CD1B: variants seen among roughly 807,000 people sequenced by gnomAD.
The protein encoded by CD1B is T-cell surface glycoprotein CD1b.
Under a neutral mutation model 39.8 loss-of-function variants are expected in CD1B, and 43 were observed. The ratio of observed to expected loss-of-function variants is 1.08; its 90% CI spans 0.85 to 1.39. The LOEUF is 1.39. CD1B is among the 40% of genes most tolerant of loss of function. The pLI is 0.00. For synonymous variants in CD1B, 192 were observed against 152.5 expected, an observed-to-expected ratio of 1.26 and a Z score of -1.91; for missense variants, 495 against 403.8, an observed-to-expected ratio of 1.23 and a Z score of -1.94.
the CD1B span, among the ~76,000 whole-genome samples, chr1:158,312,776 A>C: frequency 2.6e-4 from 39 of 152,162 alleles, no homozygotes; most frequent in Non-Finnish European, 5.1e-4. Flanking sequence ...TCTGTATATA[A>C]AGTTGTGATC....
At chr1:158,330,408 AGT>A in intron 2 of CD1B, 1 of 566,974 alleles carries the variant, frequency 1.8e-6, no homozygotes, top group South Asian at 2.0e-5. Flanking sequence ...AGCATTCCAG[AGT>A]GAGTGGAGGT....
chr1:158,325,663 A>G (rs80129719), downstream of CD1B, among the ~76,000 whole-genome samples: 1,237 of 146,960 alleles, frequency 8.4e-3, 12 homozygotes, highest in African/African-American at 0.029. Flanking sequence ...ACACACACAC[A>G]CGCACACACA....
chr1:158,331,348 C>G lies in CD1B; in HGVS notation c.61+15G>C. ...CCCCTGCACCAGTGCTGGGAGCTGC[C>G]AGAGTGACTCTTACCATGTTCACTG... On this transcript the variant is annotated intron_variant, in intron 1 of 5. Coordinates refer to ENST00000368168, the MANE Select transcript of CD1B (RefSeq NM_001764.3). The G allele has an allele frequency of 3.7e-6, 6 of 1,611,230 alleles. No homozygotes were observed. The highest frequency in any genetic ancestry group is 5.1e-6 in the Non-Finnish European group (6 of 1,177,448).
At position 158,329,445 on chromosome 1, in the gene CD1B, C is replaced by T; in HGVS notation, c.811G>A (p.Asp271Asn). 1 of 1,614,216 alleles carries T rather than the reference C, an allele frequency of 6.2e-7. No homozygotes were observed. The highest frequency in any genetic ancestry group is 8.5e-7 in the Non-Finnish European group (1 of 1,180,040). The change falls in exon 4 of 6, where the codon GAT becomes AAT. Residue 271 changes from aspartate to asparagine, a missense_variant. Coordinates refer to ENST00000368168, the MANE Select transcript of CD1B (RefSeq NM_001764.3). ...CAGGACAGGCCAGCCGCCTCCCCAT[C>T]TGCCACATCCAGGGTTGCTCGGAGA... Reference protein sequence around the residue: ...WYLRATLDVADGEAAGLSCRV... With the variant: ...WYLRATLDVANGEAAGLSCRV...
the CD1B span, among the ~76,000 whole-genome samples, chr1:158,299,461 T>C: frequency 1.3e-5 from 2 of 152,218 alleles, no homozygotes; most frequent in African/African-American, 4.8e-5. Flanking sequence ...TCGGGGACAT[T>C]GGTCTAAAAC....
chr1:158,312,550 A>G, the CD1B span, among the ~76,000 whole-genome samples: 11 of 151,906 alleles, frequency 7.2e-5, no homozygotes, highest in Non-Finnish European at 1.6e-4. Flanking sequence ...TGTTTTATAG[A>G]TTTTTTTGTA....
Position 158,329,085 on chromosome 1 carries a change from C to T in CD1B, c.887-71G>A, listed in dbSNP as rs181187010. 2,304 of 1,276,092 alleles carry T rather than the reference C, an allele frequency of 1.8e-3. 13 individuals carry two copies. The highest frequency in any genetic ancestry group is 4.5e-3 in the South Asian group (344 of 76,220). The allele number at this position is 1,276,092 out of a possible 1,614,324, so 79.0% of individuals were successfully genotyped here. ...CACAGAATTCCTTGGCCTTCCTTTG[C>T]CCACCTACTTCCAATGTATGGTCAT... On this transcript the variant is annotated intron_variant, in intron 4 of 5. Coordinates refer to ENST00000368168, the MANE Select transcript of CD1B (RefSeq NM_001764.3).
chr1:158,312,180 G>A, the CD1B span, among the ~76,000 whole-genome samples: 1 of 152,096 alleles, frequency 6.6e-6, no homozygotes, highest in Non-Finnish European at 1.5e-5. Flanking sequence ...TCATCTTGTA[G>A]CCACCATAAT....
the CD1B span, among the ~76,000 whole-genome samples, chr1:158,299,719 G>C: frequency 7.9e-4 from 120 of 152,312 alleles, no homozygotes; most frequent in Non-Finnish European, 1.4e-3. Context: ...TCTTGGGAGG[G>C]TGTGTGTGTC....
chr1:158,329,847 C>G lies in CD1B; in HGVS notation c.607+5G>C. ...GGTGGGAAGTGAAATAACAGCAGGA[C>G]TAACCTTGTCTTTGCAGATCTGCTT... On this transcript the variant is annotated splice_donor_5th_base_variant and intron_variant, in intron 3 of 5. Transcript: ENST00000368168. 10 of 1,610,948 alleles carry G rather than the reference C, an allele frequency of 6.2e-6. No individual in the cohort carries two copies. Among genetic ancestry groups the G allele is most frequent in the Non-Finnish European group, 8.5e-6 (10 of 1,178,288 alleles).
the CD1B span, among the ~76,000 whole-genome samples, chr1:158,296,958 A>G: frequency 6.6e-6 from 1 of 152,190 alleles, no homozygotes; most frequent in Non-Finnish European, 1.5e-5. Context: ...ATGTAAAGAG[A>G]CCAAACCTGT....
chr1:158,313,634 T>A, the CD1B span, among the ~76,000 whole-genome samples: 1 of 152,140 alleles, frequency 6.6e-6, no homozygotes, highest in African/African-American at 2.4e-5. Context: ...TTGTTTTTGT[T>A]GTGTCATCTA....
intron 2 of CD1B, chr1:158,330,469 A>G (rs1652552888): frequency 3.6e-6 from 2 of 554,284 alleles, no homozygotes; most frequent in Non-Finnish European, 6.5e-6. Flanking sequence ...AAGATGGATT[A>G]GGGGAGAAAG....
At chr1:158,293,390 C>T in the CD1B span, 1 of 1,594,684 alleles carries the variant, frequency 6.3e-7, no homozygotes, top group Non-Finnish European at 8.6e-7. Context: ...ATTGACTACT[C>T]CACCTTATCC....
In CD1B at chr1:158,329,396, T is replaced by C. The variant is rs1325220991; in HGVS notation, c.860A>G (p.Glu287Gly). ...LSCRVKHSSLEGQDIILYWRN... is the reference protein window; with the variant it reads ...LSCRVKHSSLGGQDIILYWRN... ...CCAGTAGAGGATGATGTCCTGGCCC[T>C]CTAAACTGCTGTGCTTCACCCGACA... The change falls in exon 4 of 6, where the codon GAG becomes GGG. Residue 287 changes from glutamate (E) to glycine (G), a missense_variant. Transcript: ENST00000368168. 1 of 1,613,936 alleles carries C rather than the reference T, an allele frequency of 6.2e-7. No individual in the cohort carries two copies. The highest frequency in any genetic ancestry group is 8.5e-7 in the Non-Finnish European group (1 of 1,179,986).
the CD1B span, among the ~76,000 whole-genome samples, chr1:158,294,082 CCTTGATACA>C: frequency 6.6e-6 from 1 of 152,154 alleles, no homozygotes; most frequent in South Asian, 2.1e-4. Context: ...CAGCCTTGTG[CCTTGATACA>C]CTTATTTTCT....
At chr1:158,292,721 C>T in the CD1B span, 109 of 1,614,050 alleles carry the variant, frequency 6.8e-5, no homozygotes, top group Non-Finnish European at 9.2e-5. Flanking sequence ...TGAACAGGAG[C>T]AACTGGGCAC....
chr1:158,321,778 G>A, the CD1B span, among the ~76,000 whole-genome samples: 16 of 152,054 alleles, frequency 1.1e-4, no homozygotes, highest in Middle Eastern at 3.4e-3. Context: ...TTTATTTTAA[G>A]TCCAGGGGTA....
chr1:158,309,984 T>TTA, the CD1B span, among the ~76,000 whole-genome samples: 21 of 128,590 alleles, frequency 1.6e-4, no homozygotes, highest in South Asian at 2.3e-3. Flanking sequence ...CGTATAATAA[T>TTA]AAAAAAAAAA....
Sources: gnomAD v4.1 joint callset for allele counts (sites outside exome capture counted in the v4.1 genomes callset) on GRCh38, gnomAD v4.1.1 for gene constraint, MANE v1.5 for transcripts, NCBI Gene and HGNC (gene_info 2026-07-23, HGNC 2026-07-21) for gene names.